CDH4: variants seen among roughly 807,000 people sequenced by gnomAD.
CDH4 encodes cadherin 4.
In CDH4, 33 loss-of-function variants were observed where a neutral mutation model predicts 86.0. The observed-to-expected ratio is 0.38, with a 90% CI of 0.29 to 0.51. The LOEUF is 0.51. Among genes scored for constraint, CDH4 ranks in the 20% least tolerant of loss-of-function variants. The probability of loss-of-function intolerance (pLI) is 0.86; values close to 1 mark genes in which losing one functional copy is unlikely to be tolerated. For missense variants in CDH4, 1,114 were observed against 1,307.4 expected, an observed-to-expected ratio of 0.85 and a Z score of 2.28; for synonymous variants, 555 against 549.4, an observed-to-expected ratio of 1.01 and a Z score of -0.14.
At chr20:61,545,310 G>A (rs958682289) in intron 2 of CDH4, among the ~76,000 whole-genome samples, 7 of 152,240 alleles carry the variant, frequency 4.6e-5, no homozygotes, top group African/African-American at 7.2e-5. Flanking sequence ...GGGAAGTGGC[G>A]GTAAATTCCA....
chr20:61,936,787 G>A lies in CDH4; in HGVS notation c.2595G>A (p.Leu865=), dbSNP rs2055196208. 3.1e-6 allele frequency: 5 copies of A among 1,610,394 alleles called. No individual in the cohort carries two copies. Among genetic ancestry groups the A allele is most frequent in the African/African-American group, 1.3e-5 (1 of 74,704 alleles). ...NDPTAPPYDS[L]LVFDYEGSGS... is the part of the protein sequence containing the mutation. ...CCACGGCACCCCCCTATGACTCCCT[G>A]CTGGTCTTCGACTACGAGGGGAGCG... The change falls in exon 16 of 16, where the codon CTG becomes CTA. Residue 865 remains leucine, a synonymous_variant. Transcript: ENST00000614565.
chr20:61,860,089 C>A (rs989128900), intron 6 of CDH4, among the ~76,000 whole-genome samples: 1 of 152,252 alleles, frequency 6.6e-6, no homozygotes, highest in East Asian at 1.9e-4. Flanking sequence ...ATGTGGCTCC[C>A]GGCAGTGACG....
chr20:61,409,127 G>GCCACTCCAT (rs1173184299), intron 2 of CDH4, among the ~76,000 whole-genome samples: 1 of 152,202 alleles, frequency 6.6e-6, no homozygotes, highest in African/African-American at 2.4e-5. Flanking sequence ...GGCTGCACCG[G>GCCACTCCAT]CCACTCCATC....
At chr20:61,885,433 C>T (rs976175842) in intron 7 of CDH4, among the ~76,000 whole-genome samples, 1 of 152,190 alleles carries the variant, frequency 6.6e-6, no homozygotes, top group Non-Finnish European at 1.5e-5. Context: ...TGTCTCTCAC[C>T]GAGCGTCACC....
chr20:61,883,291 C>A (rs1319107037), intron 7 of CDH4, among the ~76,000 whole-genome samples: 1 of 152,174 alleles, frequency 6.6e-6, no homozygotes, highest in African/African-American at 2.4e-5. Context: ...CGGCCTCTGT[C>A]CCCAGCTGAT....
At chr20:61,842,684 C>T (rs1600704223) in intron 4 of CDH4, among the ~76,000 whole-genome samples, 1 of 147,510 alleles carries the variant, frequency 6.8e-6, no homozygotes, top group African/African-American at 2.5e-5. Flanking sequence ...GAGGACTTTT[C>T]CCCTAACTAC....
At chr20:61,763,698 C>A (rs1157604775) in intron 3 of CDH4, among the ~76,000 whole-genome samples, 1 of 152,116 alleles carries the variant, frequency 6.6e-6, no homozygotes, top group African/African-American at 2.4e-5. Context: ...GGAGTTTCTG[C>A]ATGGAAGCCG....
Position 61,874,074 on chromosome 20 carries a change from G to GC in CDH4, c.1050+175dup, listed in dbSNP as rs531762597. 2.0e-5 allele frequency among the ~76,000 whole-genome samples: 3 copies of GC among 152,330 alleles called. No individual in the cohort carries two copies. The East Asian group carries it at 5.8e-4, about 29-fold the overall frequency. ...AGCAAAGGAGGCTCTGGAGCACTCA[G>GC]CACCGGCTGCTATGAGCGAGTCCTT... On this transcript the variant is annotated intron_variant, in intron 7 of 15. Transcript: ENST00000614565.
In CDH4 at chr20:61,839,954, G is replaced by GGTGT. The variant is rs71195406; in HGVS notation, c.577-4703_577-4700dup. Reference sequence around the variant, plus strand: ...TGTCTGTATGTGCATTTGTGTGCATGGTGTGTGTGTGTGTCCAGAGCTGTG... The same window carrying GGTGT: ...TGTCTGTATGTGCATTTGTGTGCATGGTGTGTGTGTGTGTGTGTCCAGAGCTGTG... On this transcript the variant is annotated intron_variant, in intron 4 of 15. Transcript: ENST00000614565. 4.6e-5 allele frequency among the ~76,000 whole-genome samples: 7 copies of GGTGT among 151,156 alleles called. No homozygotes were observed. In the East Asian group the frequency reaches 7.8e-4, roughly 17 times the overall value.
At chr20:61,749,194 G>A (rs542510441) in intron 3 of CDH4, among the ~76,000 whole-genome samples, 1 of 152,216 alleles carries the variant, frequency 6.6e-6, no homozygotes, top group Admixed American at 6.5e-5. Flanking sequence ...AAATTTGTGT[G>A]CACTTAATAA....
Position 61,499,441 on chromosome 20 carries a change from G to A in CDH4, c.170-244122G>A, listed in dbSNP as rs138183425. The A allele has an allele frequency of 2.7e-5, 35 of 1,288,958 alleles. No individual in the cohort carries two copies. The East Asian group carries it at 1.4e-3, about 51-fold the overall frequency. The allele number at this position is 1,288,958 out of a possible 1,614,324, so 79.8% of individuals were successfully genotyped here. On this transcript the variant is annotated intron_variant, in intron 2 of 15. Coordinates refer to ENST00000614565, the MANE Select transcript of CDH4 (RefSeq NM_001794.5). ...GGTTCAGAACAAGGATTCGATGAAC[G>A]GCAGCTGTGACTTCATTCTCAGCGC...
At chr20:61,526,842 CA>C in intron 2 of CDH4, among the ~76,000 whole-genome samples, 1 of 152,206 alleles carries the variant, frequency 6.6e-6, no homozygotes, top group Admixed American at 6.5e-5. Context: ...AGGTTGCTGT[CA>C]AAATCAAATG....
chr20:61,319,006 C>A (rs1409511034), intron 2 of CDH4, among the ~76,000 whole-genome samples: 1 of 152,196 alleles, frequency 6.6e-6, no homozygotes, highest in Non-Finnish European at 1.5e-5. Context: ...GCACACCATG[C>A]ATGTCACATG....
At chr20:61,812,303 G>A (rs763138054) in intron 4 of CDH4, among the ~76,000 whole-genome samples, 15 of 152,198 alleles carry the variant, frequency 9.9e-5, no homozygotes, top group Admixed American at 2.0e-4. Flanking sequence ...AGCACAGGCT[G>A]GCCTGGGGTC....
At chr20:61,668,326 G>A (rs1179474689) in intron 2 of CDH4, among the ~76,000 whole-genome samples, 1 of 152,212 alleles carries the variant, frequency 6.6e-6, no homozygotes, top group East Asian at 1.9e-4. Context: ...TGCAGGCAGG[G>A]GGAATTTAGC....
At chr20:61,688,405 T>A (rs1658995766) in intron 2 of CDH4, among the ~76,000 whole-genome samples, 1 of 152,044 alleles carries the variant, frequency 6.6e-6, no homozygotes, top group Non-Finnish European at 1.5e-5. Flanking sequence ...AATGATGGTT[T>A]ATTAAGCACT....
intron 2 of CDH4, among the ~76,000 whole-genome samples, chr20:61,506,147 A>G (rs2085739955): frequency 1.3e-5 from 2 of 152,254 alleles, no homozygotes; most frequent in South Asian, 2.1e-4. Flanking sequence ...GAGACACACT[A>G]TGACAGAAAT....
intron 2 of CDH4, among the ~76,000 whole-genome samples, chr20:61,724,196 A>T (rs547859535): frequency 1.3e-5 from 2 of 152,152 alleles, no homozygotes; most frequent in Non-Finnish European, 2.9e-5. Context: ...GTGGGTCCCC[A>T]TACAGGGGGC....
At chr20:61,578,282 G>A (rs983519160) in intron 2 of CDH4, among the ~76,000 whole-genome samples, 2 of 152,188 alleles carry the variant, frequency 1.3e-5, no homozygotes, top group African/African-American at 4.8e-5. Context: ...GGCACTGGGG[G>A]GGAATGACAC....
Sources: allele counts gnomAD v4.1 joint callset (sites outside exome capture counted in the v4.1 genomes callset), GRCh38; gene constraint gnomAD v4.1.1; transcripts MANE v1.5; gene names NCBI Gene and HGNC (gene_info 2026-07-23, HGNC 2026-07-21).